HLCS: variants seen among roughly 807,000 people sequenced by gnomAD.
HLCS encodes the protein biotin--protein ligase.
Under a neutral mutation model 75.0 loss-of-function variants are expected in HLCS, and 53 were observed. That is an observed-to-expected ratio of 0.71 (90% CI 0.57 to 0.89). The LOEUF is 0.89. Ranked by LOEUF, HLCS falls within the 40% of genes least tolerant of loss-of-function variation. HLCS has a pLI of 0.00. For synonymous variants in HLCS, 431 were observed against 428.6 expected (o/e 1.01, Z -0.07); for missense variants, 966 against 1,074.0 (o/e 0.90, Z 1.41).
intron 6 of HLCS, among the ~76,000 whole-genome samples, chr21:36,831,709 G>T (rs1480565337): frequency 2.6e-5 from 4 of 152,078 alleles, no homozygotes; most frequent in African/African-American, 9.7e-5. Flanking sequence ...TCAAAATAAA[G>T]TTATTGTATC....
intron 2 of HLCS, among the ~76,000 whole-genome samples, chr21:36,945,159 C>T (rs566960121): frequency 6.6e-6 from 1 of 152,140 alleles, no homozygotes; most frequent in South Asian, 2.1e-4. Context: ...TGCTTAAAAT[C>T]CTTCCATGAA....
At chr21:36,763,117 C>G (rs904504651) in intron 8 of HLCS, among the ~76,000 whole-genome samples, 1 of 152,130 alleles carries the variant, frequency 6.6e-6, no homozygotes, top group Non-Finnish European at 1.5e-5. Flanking sequence ...CTCTGCCTCC[C>G]GAGTTCAAGC....
intron 6 of HLCS, among the ~76,000 whole-genome samples, chr21:36,871,352 T>C (rs947000146): frequency 6.6e-6 from 1 of 152,162 alleles, no homozygotes; most frequent in Admixed American, 6.5e-5. Context: ...AAAGTAACAC[T>C]TCACTTTTAA....
At chr21:36,922,747 G>C (rs1435794938) in intron 5 of HLCS, among the ~76,000 whole-genome samples, 3 of 152,134 alleles carry the variant, frequency 2.0e-5, no homozygotes, top group Non-Finnish European at 4.4e-5. Flanking sequence ...CCACTCAGGT[G>C]GGGGAAATGG....
Position 36,767,199 on chromosome 21 carries a change from A to T in HLCS, c.1960+19T>A. On this transcript the variant is annotated intron_variant, in intron 7 of 10. Coordinates refer to ENST00000674895, the MANE Select transcript of HLCS (RefSeq NM_001352514.2). ...TTAGAAAACAGAAGTAACAGCAATGATCACAAAAGATGACTGACCTTTGCC... is the reference window on the plus strand; with the variant it reads ...TTAGAAAACAGAAGTAACAGCAATGTTCACAAAAGATGACTGACCTTTGCC... 1 of 1,612,862 alleles carries T rather than the reference A, an allele frequency of 6.2e-7. No individual in the cohort carries two copies. The highest frequency in any genetic ancestry group is 8.5e-7 in the Non-Finnish European group (1 of 1,178,794).
At position 36,752,022 on chromosome 21, in the gene HLCS, G is replaced by A. The variant is rs1219446118; in HGVS notation, c.*2224C>T. 6.6e-6 allele frequency: 1 copy of A among 152,668 alleles called. No homozygotes were observed. The highest frequency in any genetic ancestry group is 1.5e-5 in the Non-Finnish European group (1 of 68,048). The allele number at this position is 152,668 out of a possible 1,614,324, so 9.5% of individuals were successfully genotyped here. A position where few individuals can be genotyped will look rare whatever the true frequency, so the allele number is the denominator to read the frequency against. ...CAAATCGGAGAGTGTGCTATAGCAG[G>A]TAGACAGGTTTCGCTAACACGAACA... On this transcript the variant is annotated 3_prime_UTR_variant, in exon 11 of 11. Coordinates refer to ENST00000674895, the MANE Select transcript of HLCS (RefSeq NM_001352514.2).
intron 6 of HLCS, among the ~76,000 whole-genome samples, chr21:36,855,536 TAAAAAAAAAAAAAA>T (rs71901243): frequency 1.2e-4 from 9 of 75,662 alleles, no homozygotes; most frequent in African/African-American, 3.8e-4. Context: ...AGACTCCATC[TAAAAAAAAAAAAAA>T]AAAAAAAAAA....
At chr21:36,886,379 G>A (rs2064461131) in intron 6 of HLCS, among the ~76,000 whole-genome samples, 1 of 144,298 alleles carries the variant, frequency 6.9e-6, no homozygotes, top group African/African-American at 2.6e-5. Context: ...CTTGCAGCGA[G>A]CTGATATCGC....
At chr21:36,888,896 C>T (rs73902792) in intron 6 of HLCS, among the ~76,000 whole-genome samples, 5,081 of 152,104 alleles carry the variant, frequency 0.033, 288 homozygotes, top group African/African-American at 0.12. Flanking sequence ...ACAGTAACTG[C>T]AAAAACAAAA....
At chr21:36,928,597 G>T (rs1192786792) in intron 5 of HLCS, among the ~76,000 whole-genome samples, 1 of 152,054 alleles carries the variant, frequency 6.6e-6, no homozygotes, top group East Asian at 1.9e-4. Flanking sequence ...ATTAAGAAAT[G>T]AGGATATGTA....
At chr21:36,832,214 A>G (rs1326870012) in intron 6 of HLCS, among the ~76,000 whole-genome samples, 1 of 152,208 alleles carries the variant, frequency 6.6e-6, no homozygotes, top group East Asian at 1.9e-4. Flanking sequence ...ATGTGCTCCA[A>G]GTTATAACCT....
intron 6 of HLCS, among the ~76,000 whole-genome samples, chr21:36,771,851 T>A (rs927982186): frequency 6.6e-6 from 1 of 151,960 alleles, no homozygotes; most frequent in African/African-American, 2.4e-5. Flanking sequence ...TACAAAAAAT[T>A]AGCCGGGTGT....
At chr21:36,942,398 C>CAAAAAAAAAAAAAAAAAAAA (rs55999516) in intron 2 of HLCS, among the ~76,000 whole-genome samples, 1 of 80,974 alleles carries the variant, frequency 1.2e-5, no homozygotes, top group African/African-American at 5.1e-5. Flanking sequence ...GACTCCGTCT[C>CAAAAAAAAAAAAAAAAAAAA]AAAAAAAAAA....
At chr21:36,943,719 T>G (rs1487775089) in intron 2 of HLCS, 1 of 151,978 alleles carries the variant, frequency 6.6e-6, no homozygotes, top group African/African-American at 2.4e-5. Flanking sequence ...CTCAGGAGGC[T>G]GAGGTGGGAT....
chr21:36,960,424 T>C (rs2146657827), intron 2 of HLCS, among the ~76,000 whole-genome samples: 1 of 152,236 alleles, frequency 6.6e-6, no homozygotes, highest in Non-Finnish European at 1.5e-5. Context: ...TTATCATAAG[T>C]GTCTACAGGG....
intron 5 of HLCS, among the ~76,000 whole-genome samples, chr21:36,901,733 A>G (rs947832501): frequency 2.8e-4 from 43 of 152,304 alleles, no homozygotes; most frequent in African/African-American, 1.0e-3. Flanking sequence ...TGAGGACAGC[A>G]GTCGTACTGG....
intron 8 of HLCS, among the ~76,000 whole-genome samples, chr21:36,763,899 G>T (rs2070523): frequency 6.6e-6 from 1 of 152,036 alleles, no homozygotes; most frequent in Non-Finnish European, 1.5e-5. Flanking sequence ...CTAATAGCTG[G>T]GGGAAGATGG....
intron 2 of HLCS, among the ~76,000 whole-genome samples, chr21:36,957,401 C>A (rs893405772): frequency 2.0e-5 from 3 of 152,306 alleles, no homozygotes; most frequent in Admixed American, 6.5e-5. Context: ...TCCTGTATGG[C>A]TCGCAGAACC....
chr21:36,771,311 T>C (rs1254712635), intron 6 of HLCS, among the ~76,000 whole-genome samples: 2 of 152,212 alleles, frequency 1.3e-5, no homozygotes, highest in East Asian at 1.9e-4. Context: ...CATTTCATTA[T>C]AACTAGTGAG....
Sources: gnomAD v4.1 joint callset for allele counts (sites outside exome capture counted in the v4.1 genomes callset) on GRCh38, gnomAD v4.1.1 for gene constraint, MANE v1.5 for transcripts, NCBI Gene and HGNC (gene_info 2026-07-23, HGNC 2026-07-21) for gene names.